Variants in APBB1 observed in about 807,000 individuals in gnomAD.
APBB1 encodes adaptor protein FE65a2.
A neutral mutation model predicts 78.4 loss-of-function variants in APBB1; 22 were observed. The ratio of observed to expected loss-of-function variants is 0.28; its 90% confidence interval spans 0.20 to 0.40. The LOEUF (loss-of-function observed/expected upper bound fraction) is 0.40. APBB1 is among the 10% of genes least tolerant of loss of function. APBB1 has a pLI of 1.00. For missense variants in APBB1, 749 were observed against 932.4 expected (o/e 0.80, Z 2.56); for synonymous variants, 369 against 372.7 (o/e 0.99, Z 0.12).
intron 2 of APBB1, chr11:6,404,069 G>A (rs1218655753): frequency 2.3e-6 from 1 of 439,710 alleles, no homozygotes; most frequent in East Asian, 3.4e-5. Flanking sequence ...CTGTGGAAAG[G>A]AGGAAGGCAG....
chr11:6,413,081 C>T (rs557817352), intron 1 of APBB1, among the ~76,000 whole-genome samples: 1 of 152,196 alleles, frequency 6.6e-6, no homozygotes, highest in Non-Finnish European at 1.5e-5. Context: ...CCTTCCCGGA[C>T]CCCCAAGAGA....
Position 6,405,010 on chromosome 11 carries a change from G to C in APBB1, c.722-1188C>G, listed in dbSNP as rs538903358. ...ACCATGCTAGGGAATCTCCTTGGGG[G>C]GTGGGGAAGGGAGGAGAAAGGGAGG... On this transcript the variant is annotated intron_variant, in intron 2 of 14. Coordinates refer to ENST00000609360, the MANE Select transcript of APBB1 (RefSeq NM_001164.5). The C allele has an allele frequency of 6.4e-5, 91 of 1,422,650 alleles. 1 individual carries two copies. In the South Asian group the frequency reaches 7.0e-4, roughly 11 times the overall value. The allele number at this position is 1,422,650 out of a possible 1,614,324, so 88.1% of individuals were successfully genotyped here.
chr11:6,396,237 T>C (rs1848214543), intron 12 of APBB1, 22 bp from the exon 13 acceptor site: 2 of 1,542,562 alleles, frequency 1.3e-6, no homozygotes, highest in Non-Finnish European at 8.8e-7. Flanking sequence ...GGACACAAGA[T>C]ACCACTGAGG....
chr11:6,402,102 G>C lies in APBB1; in HGVS notation c.1362C>G (p.Gly454=). The C allele has an allele frequency of 6.2e-7, 1 of 1,614,028 alleles. No homozygotes were observed. Residue 454 remains glycine, a synonymous_variant, in exon 8 of 15, where the codon GGC becomes GGG. Coordinates refer to ENST00000609360, the MANE Select transcript of APBB1 (RefSeq NM_001164.5). Reference sequence around the variant, plus strand: ...CCCACCTTCCACTGTCCCGCCCGACGCCCCACACGCGGATGCTGATGATGG... The same window carrying C: ...CCCACCTTCCACTGTCCCGCCCGACCCCCCACACGCGGATGCTGATGATGG... ...AQPIISIRVW[G]VGRDSGRERD...
intron 2 of APBB1, 55 bp downstream of exon 2, chr11:6,410,572 C>A: frequency 6.8e-7 from 1 of 1,468,500 alleles, no homozygotes; most frequent in South Asian, 1.4e-5. Flanking sequence ...GTATGAGAGT[C>A]CTAACCTCTG....
intron 1 of APBB1, among the ~76,000 whole-genome samples, chr11:6,414,647 G>A (rs1262402729): frequency 6.6e-6 from 1 of 152,290 alleles, no homozygotes; most frequent in East Asian, 1.9e-4. Flanking sequence ...AAGGGTCCCT[G>A]AGTGGGAAGT....
In APBB1 at chr11:6,401,803, G is replaced by C; in HGVS notation, c.1389-115C>G. On this transcript the variant is annotated intron_variant, in intron 9 of 14. Coordinates refer to ENST00000609360, the MANE Select transcript of APBB1 (RefSeq NM_001164.5). The surrounding 1 kb of genome is among the most constrained non-coding windows in gnomAD (Gnocchi z 4.5). ...AGCTCCTCCAGGGCTTCTGCCCACA[G>C]CTGGTCCCCCATAGGTGCTGCCTTC... 2 of 1,449,064 alleles carry C rather than the reference G, an allele frequency of 1.4e-6. No individual in the cohort carries two copies. Among genetic ancestry groups the C allele is most frequent in the Non-Finnish European group, 1.9e-6 (2 of 1,042,370 alleles). 89.8% of individuals were successfully genotyped at this position (1,449,064 alleles called of 1,614,324 possible).
chr11:6,397,949 T>G (rs543796498), intron 12 of APBB1, among the ~76,000 whole-genome samples: 1 of 152,164 alleles, frequency 6.6e-6, no homozygotes, highest in Admixed American at 6.5e-5. Flanking sequence ...CAGAGGGGTG[T>G]GATGTTTATG....
At position 6,401,260 on chromosome 11, in the gene APBB1, G is replaced by A. The variant is rs568457535; in HGVS notation, c.1588+85C>T. The A allele has an allele frequency of 6.0e-5, 96 of 1,612,082 alleles. 2 individuals are homozygous for A. The highest frequency in any genetic ancestry group is 5.7e-4 in the Admixed American group (34 of 59,554). ...TTCATGTGTTCATTTTTCTATCAGC[G>A]CTGTCCAGGAGCTCATGCCTTTCCT... On this transcript the variant is annotated intron_variant, in intron 11 of 14. Coordinates refer to ENST00000609360, the MANE Select transcript of APBB1 (RefSeq NM_001164.5). The surrounding 1 kb of genome is among the most constrained non-coding windows in gnomAD (Gnocchi z 4.5).
Position 6,403,792 on chromosome 11 carries a change from G to T in APBB1, c.752C>A (p.Thr251Lys). The T allele has an allele frequency of 6.4e-7, 1 of 1,571,034 alleles. No individual in the cohort carries two copies. Among genetic ancestry groups the T allele is most frequent in the Non-Finnish European group, 8.6e-7 (1 of 1,157,048 alleles). ...DSFWNPNAFE[T>K]DSDLPAGWMR... Reference sequence around the variant, plus strand: ...CCATCCAGCCGGCAGGTCGGAATCCGTCTCGAAGGCGTTGGGGTTCCAGAA... The same window carrying T: ...CCATCCAGCCGGCAGGTCGGAATCCTTCTCGAAGGCGTTGGGGTTCCAGAA... Residue 251 changes from threonine (T) to lysine (K), a missense_variant, in exon 3 of 15, where the codon ACG becomes AAG. Thr to Lys is a moderately conservative substitution (Grantham distance 78). This residue lies in a region of APBB1 where 635 missense variants were observed against 765.0 expected (regional missense o/e 0.83). Coordinates refer to ENST00000609360, the MANE Select transcript of APBB1 (RefSeq NM_001164.5). This position sits in a 1 kb window ranked among gnomAD's most constrained non-coding sequence, Gnocchi z 5.3.
chr11:6,416,436 C>T (rs1849117827), intron 1 of APBB1, among the ~76,000 whole-genome samples: 1 of 152,202 alleles, frequency 6.6e-6, no homozygotes, highest in African/African-American at 2.4e-5. Flanking sequence ...CACCTGAGCT[C>T]CAGACAAGTA....
intron 2 of APBB1, among the ~76,000 whole-genome samples, chr11:6,406,107 C>G (rs1848790103): frequency 6.6e-6 from 1 of 152,258 alleles, no homozygotes; most frequent in Non-Finnish European, 1.5e-5. Context: ...GGAGGCCCTT[C>G]TGGAGCTTGG....
intron 2 of APBB1, among the ~76,000 whole-genome samples, chr11:6,404,330 G>GCACA (rs370304978): frequency 6.6e-6 from 1 of 152,054 alleles, no homozygotes. Flanking sequence ...ATGTGCAGGG[G>GCACA]CACACACACA....
At chr11:6,406,189 C>T (rs765649543) in intron 2 of APBB1, among the ~76,000 whole-genome samples, 22 of 152,348 alleles carry the variant, frequency 1.4e-4, no homozygotes, top group Non-Finnish European at 2.1e-4. Flanking sequence ...AGAACGCACA[C>T]CTTCACTCCT....
chr11:6,398,726 T>C (rs1258858339), intron 12 of APBB1, among the ~76,000 whole-genome samples: 1 of 152,218 alleles, frequency 6.6e-6, no homozygotes, highest in African/African-American at 2.4e-5. Context: ...TGCCATCGAA[T>C]CCAAATGAAA....
At position 6,395,468 on chromosome 11, in the gene APBB1, C is replaced by T. The variant is rs1848157061; in HGVS notation, c.*66G>A. 1.4e-6 allele frequency: 2 copies of T among 1,467,092 alleles called. No individual in the cohort carries two copies. The highest frequency in any genetic ancestry group is 1.4e-5 in the African/African-American group (1 of 71,108). The allele number at this position is 1,467,092 out of a possible 1,614,324, so 90.9% of individuals were successfully genotyped here. On this transcript the variant is annotated 3_prime_UTR_variant, in exon 15 of 15. Coordinates refer to ENST00000609360, the MANE Select transcript of APBB1 (RefSeq NM_001164.5). The surrounding 1 kb of genome is among the most constrained non-coding windows in gnomAD (Gnocchi z 5.2). ...CCTAGGAATAGCCTCTAGACCCCTCCCTGACCCACACCCTTTAGTTCCCTG... is the reference window on the plus strand; with the variant it reads ...CCTAGGAATAGCCTCTAGACCCCTCTCTGACCCACACCCTTTAGTTCCCTG...
Position 6,403,220 on chromosome 11 carries a change from T to C in APBB1, c.1041-12A>G, listed in dbSNP as rs1394726784. On this transcript the variant is annotated splice_polypyrimidine_tract_variant and intron_variant, in intron 5 of 14. Transcript: ENST00000609360. This position sits in a 1 kb window ranked among gnomAD's most constrained non-coding sequence, Gnocchi z 5.3. Reference sequence around the variant, plus strand: ...GCAACGGCTCTGGGCTGAAGGCAGATGGTAATACTTGGCACAGGGCTCCCA... The same window carrying C: ...GCAACGGCTCTGGGCTGAAGGCAGACGGTAATACTTGGCACAGGGCTCCCA... The C allele has an allele frequency of 3.7e-6, 6 of 1,612,344 alleles. No individual in the cohort carries two copies. The highest frequency in any genetic ancestry group is 1.3e-5 in the African/African-American group (1 of 74,794).
At position 6,395,972 on chromosome 11, in the gene APBB1, G is replaced by A. The variant is rs780011196; in HGVS notation, c.1789-10C>T. ...CCAGCACTGCCTCTGTCTGCATGGA[G>A]GGAACTCAGTTAAAAAGGAACACCA... On this transcript the variant is annotated splice_polypyrimidine_tract_variant and intron_variant, in intron 13 of 14. Transcript: ENST00000609360. This position sits in a 1 kb window ranked among gnomAD's most constrained non-coding sequence, Gnocchi z 5.2. 7 of 1,612,652 alleles carry A rather than the reference G, an allele frequency of 4.3e-6. No individual in the cohort carries two copies. Among genetic ancestry groups the A allele is most frequent in the Non-Finnish European group, 5.9e-6 (7 of 1,179,086 alleles).
intron 2 of APBB1, among the ~76,000 whole-genome samples, chr11:6,409,096 G>A (rs1201429910): frequency 6.6e-6 from 1 of 151,980 alleles, no homozygotes; most frequent in African/African-American, 2.4e-5. Flanking sequence ...TTGAGAAAGG[G>A]TCTCTCTCTG....
Sources: gnomAD v4.1 joint callset for allele counts (sites outside exome capture counted in the v4.1 genomes callset) on GRCh38, gnomAD v4.1.1 for gene constraint, gnomAD v4.1.1 regional missense constraint, Gnocchi (gnomAD v3.1) non-coding constraint, MANE v1.5 for transcripts, NCBI Gene and HGNC (gene_info 2026-07-23, HGNC 2026-07-21) for gene names.